ITPR2: variants seen among roughly 807,000 people sequenced by gnomAD.
ITPR2 encodes the protein inositol 1,4,5-trisphosphate receptor type 2, also known as inositol 1,4,5-trisphosphate-gated calcium channel ITPR2.
A neutral mutation model predicts 317.1 loss-of-function variants in ITPR2; 207 were observed. The ratio of observed to expected loss-of-function variants is 0.65; its 90% CI spans 0.58 to 0.73. The LOEUF is 0.73. Among genes scored for constraint, ITPR2 ranks in the 30% least tolerant of loss-of-function variants. The pLI, the probability that ITPR2 is intolerant of heterozygous loss-of-function variation, is 0.00. For missense variants in ITPR2, 2,613 were observed against 3,284.0 expected, an observed-to-expected ratio of 0.80 and a Z score of 4.99; for synonymous variants, 1,156 against 1,149.1, an observed-to-expected ratio of 1.01 and a Z score of -0.12.
intron 37 of ITPR2, among the ~76,000 whole-genome samples, chr12:26,500,073 A>T (rs2136887576): frequency 6.6e-6 from 1 of 152,322 alleles, no homozygotes; most frequent in South Asian, 2.1e-4. Flanking sequence ...GCTACATCAC[A>T]AGTTCAGCAG....
intron 45 of ITPR2, among the ~76,000 whole-genome samples, chr12:26,467,303 T>TA (rs1942191906): frequency 6.6e-6 from 1 of 152,126 alleles, no homozygotes; most frequent in Admixed American, 6.5e-5. Flanking sequence ...TAGCATGACA[T>TA]AAAAAATCCC....
chr12:26,393,594 C>G (rs958463013), intron 54 of ITPR2, among the ~76,000 whole-genome samples: 2 of 152,106 alleles, frequency 1.3e-5, no homozygotes, highest in Non-Finnish European at 2.9e-5. Context: ...TAAATATTCA[C>G]GCTGAATTTG....
intron 2 of ITPR2, among the ~76,000 whole-genome samples, chr12:26,778,273 C>T (rs778520799): frequency 6.6e-5 from 10 of 152,142 alleles, no homozygotes; most frequent in Admixed American, 2.6e-4. Context: ...GGAGGGATTG[C>T]GGAGATTAGT....
intron 2 of ITPR2, among the ~76,000 whole-genome samples, chr12:26,770,025 T>C (rs946764870): frequency 6.6e-6 from 1 of 152,150 alleles, no homozygotes; most frequent in Non-Finnish European, 1.5e-5. Flanking sequence ...ATAGAAATAC[T>C]CTAACCCTAT....
At chr12:26,348,320 C>T (rs7312928) in intron 55 of ITPR2, among the ~76,000 whole-genome samples, 91,913 of 151,992 alleles carry the variant, frequency 0.6, 28,508 homozygotes, top group African/African-American at 0.74. Context: ...AAGAATTAAT[C>T]ATTTGGTTAT....
intron 21 of ITPR2, among the ~76,000 whole-genome samples, chr12:26,636,092 T>C (rs1192265270): frequency 6.6e-6 from 1 of 152,218 alleles, no homozygotes; most frequent in Non-Finnish European, 1.5e-5. Flanking sequence ...CATACATGCA[T>C]GGTTTTTATT....
chr12:26,555,143 C>T (rs1944627602), intron 36 of ITPR2, among the ~76,000 whole-genome samples: 1 of 152,210 alleles, frequency 6.6e-6, no homozygotes, highest in South Asian at 2.1e-4. Flanking sequence ...TATTCTTCAA[C>T]ATGATCCCTG....
chr12:26,710,292 T>C (rs1305683944), intron 9 of ITPR2, among the ~76,000 whole-genome samples: 3 of 152,248 alleles, frequency 2.0e-5, no homozygotes, highest in African/African-American at 7.2e-5. Flanking sequence ...CTGCAAGCAC[T>C]TTGCCTAATT....
chr12:26,784,516 T>C (rs1028441285), intron 2 of ITPR2, among the ~76,000 whole-genome samples: 3 of 150,986 alleles, frequency 2.0e-5, no homozygotes, highest in African/African-American at 7.3e-5. Flanking sequence ...GGTTTTCGGT[T>C]TTTTTTTGGT....
chr12:26,477,096 G>A, intron 43 of ITPR2, 89 bp from the exon 44 acceptor site: 1 of 775,350 alleles, frequency 1.3e-6, no homozygotes, highest in Non-Finnish European at 2.1e-6. Context: ...AGATTACTAG[G>A]ACCTTTTTTA....
intron 37 of ITPR2, among the ~76,000 whole-genome samples, chr12:26,514,301 C>A (rs1359908102): frequency 6.6e-6 from 1 of 151,980 alleles, no homozygotes; most frequent in Non-Finnish European, 1.5e-5. Context: ...GTTTTAAATG[C>A]AAAAAACAAA....
At chr12:26,519,041 T>C (rs540144875) in intron 37 of ITPR2, among the ~76,000 whole-genome samples, 12 of 151,962 alleles carry the variant, frequency 7.9e-5, no homozygotes, top group East Asian at 1.9e-4. Flanking sequence ...ATAAAGGAAA[T>C]TGTCAAAGAG....
chr12:26,614,459 A>C (rs905379161), intron 26 of ITPR2, among the ~76,000 whole-genome samples: 4 of 152,176 alleles, frequency 2.6e-5, no homozygotes, highest in African/African-American at 7.2e-5. Flanking sequence ...GCAGGAAAAC[A>C]TACCCTATGT....
chr12:26,687,705 C>T (rs545520914), intron 10 of ITPR2, among the ~76,000 whole-genome samples: 62 of 152,144 alleles, frequency 4.1e-4, no homozygotes, highest in African/African-American at 1.4e-3. Flanking sequence ...ATGGTAGCAC[C>T]GTTGAAATGG....
At chr12:26,443,290 T>C (rs1339489480) in intron 46 of ITPR2, among the ~76,000 whole-genome samples, 1 of 152,102 alleles carries the variant, frequency 6.6e-6, no homozygotes, top group African/African-American at 2.4e-5. Flanking sequence ...TGATTGCTTC[T>C]ACAGTTAAAA....
At chr12:26,610,443 G>A (rs1010640184) in intron 26 of ITPR2, among the ~76,000 whole-genome samples, 20 of 152,054 alleles carry the variant, frequency 1.3e-4, no homozygotes, top group Admixed American at 1.3e-3. Flanking sequence ...AATGAGATGT[G>A]GAGGTAATAG....
chr12:26,707,055 G>T (rs1948564566), intron 9 of ITPR2, among the ~76,000 whole-genome samples: 1 of 152,070 alleles, frequency 6.6e-6, no homozygotes, highest in Non-Finnish European at 1.5e-5. Flanking sequence ...TTCTCTCACT[G>T]GAATATGACC....
At chr12:26,787,958 T>C (rs929104719) in intron 2 of ITPR2, among the ~76,000 whole-genome samples, 1 of 151,476 alleles carries the variant, frequency 6.6e-6, no homozygotes, top group Non-Finnish European at 1.5e-5. Context: ...AAGTTTCGCT[T>C]TTGTTGCCCA....
intron 54 of ITPR2, 133 bp downstream of exon 54, chr12:26,398,743 C>CATTAGATAATCTAATTGG: frequency 1.4e-6 from 1 of 707,680 alleles, no homozygotes; most frequent in Non-Finnish European, 2.3e-6. Flanking sequence ...TGCTCAGTTA[C>CATTAGATAATCTAATTGG]ATAATCTGAA....
Sources: gnomAD v4.1 joint callset for allele counts (sites outside exome capture counted in the v4.1 genomes callset) on GRCh38, gnomAD v4.1.1 for gene constraint, MANE v1.5 for transcripts, NCBI Gene and HGNC (gene_info 2026-07-23, HGNC 2026-07-21) for gene names.